The following NXPH1 variants were observed in gnomAD, a reference collection of about 807,000 sequenced individuals.
NXPH1 encodes the protein neurexophilin 1.
NXPH1 carries 5 observed loss-of-function variants against 23.7 expected under a neutral mutation model. The observed-to-expected ratio is 0.21, with a 90% CI of 0.11 to 0.44. The LOEUF (loss-of-function observed/expected upper bound fraction) is 0.44. Ranked by LOEUF, NXPH1 falls within the 20% of genes least tolerant of loss-of-function variation. The pLI is 0.99. For missense variants in NXPH1, 324 were observed against 321.6 expected, an observed-to-expected ratio of 1.01 and a Z score of -0.06; for synonymous variants, 144 against 122.2, an observed-to-expected ratio of 1.18 and a Z score of -1.18.
At chr7:8,485,202 A>G (rs189661766) in intron 2 of NXPH1, among the ~76,000 whole-genome samples, 3 of 152,274 alleles carry the variant, frequency 2.0e-5, no homozygotes, top group South Asian at 2.1e-4. Context: ...TGATGGTTTT[A>G]TAAAAGGGCA....
intron 2 of NXPH1, among the ~76,000 whole-genome samples, chr7:8,566,554 T>C (rs2128621412): frequency 6.6e-6 from 1 of 151,796 alleles, no homozygotes; most frequent in East Asian, 2.0e-4. Flanking sequence ...GAAAGGCAAA[T>C]TGGTCTCTGT....
intron 2 of NXPH1, among the ~76,000 whole-genome samples, chr7:8,533,174 A>G (rs1817978207): frequency 6.6e-6 from 1 of 152,170 alleles, no homozygotes. Context: ...GTATGACTTC[A>G]AACACCACAT....
At chr7:8,570,183 CAGAAG>C (rs1204806268) in intron 2 of NXPH1, among the ~76,000 whole-genome samples, 1 of 151,870 alleles carries the variant, frequency 6.6e-6, no homozygotes, top group Non-Finnish European at 1.5e-5. Context: ...AAAATTGACT[CAGAAG>C]AGATTGATGT....
intron 2 of NXPH1, among the ~76,000 whole-genome samples, chr7:8,604,202 T>C (rs537091169): frequency 5.3e-5 from 8 of 152,160 alleles, no homozygotes; most frequent in African/African-American, 1.7e-4. Flanking sequence ...TAAGAAGTGA[T>C]TGGGATTAAG....
At chr7:8,645,716 G>T (rs566138690) in intron 2 of NXPH1, among the ~76,000 whole-genome samples, 6 of 151,894 alleles carry the variant, frequency 4.0e-5, no homozygotes, top group Non-Finnish European at 7.4e-5. Flanking sequence ...TTAATGTTTT[G>T]TTCCTTATAT....
intron 2 of NXPH1, among the ~76,000 whole-genome samples, chr7:8,545,738 C>A (rs1818188858): frequency 6.6e-6 from 1 of 151,508 alleles, no homozygotes; most frequent in African/African-American, 2.4e-5. Flanking sequence ...GCTTAGACTC[C>A]AGTGAGCTTA....
intron 2 of NXPH1, among the ~76,000 whole-genome samples, chr7:8,655,300 G>C (rs995015033): frequency 1.3e-5 from 2 of 151,966 alleles, no homozygotes; most frequent in Admixed American, 6.6e-5. Flanking sequence ...TGGGAGAATC[G>C]CTTGAGCCTG....
rs1184595536 is a variant in NXPH1, at chr7:8,676,948, C to T, written c.55-74060C>T. Among the ~76,000 whole-genome samples the T allele has an allele frequency of 3.3e-5, 5 of 152,292 alleles. No homozygotes were observed. In the South Asian group the frequency reaches 1.0e-3, roughly 32 times the overall value. ...ATATGGGCTTATGCAGAAATGCTAA[C>T]CCTGCTACAAATTTACACTGTTCAG... On this transcript the variant is annotated intron_variant, in intron 2 of 2. Transcript: ENST00000405863.
At chr7:8,488,346 A>T (rs986195003) in intron 2 of NXPH1, among the ~76,000 whole-genome samples, 11 of 152,154 alleles carry the variant, frequency 7.2e-5, no homozygotes, top group Non-Finnish European at 1.5e-4. Flanking sequence ...TACATCCATT[A>T]GTTGTGATAT....
In NXPH1 at chr7:8,544,300, A is replaced by G. The variant is rs539557832; in HGVS notation, c.54+108533A>G. Among the ~76,000 whole-genome samples, 45 of 151,722 alleles carry G rather than the reference A, an allele frequency of 3.0e-4. 1 individual carries two copies. The South Asian group carries it at 3.9e-3, about 13-fold the overall frequency. On this transcript the variant is annotated intron_variant, in intron 2 of 2. Transcript: ENST00000405863. ...TCTTGTACATTGTAGAAATTTTAGC[A>G]GGATCCCTGACCTCTAATCCCTCAC...
chr7:8,585,312 G>T (rs983111450), intron 2 of NXPH1, among the ~76,000 whole-genome samples: 1 of 152,080 alleles, frequency 6.6e-6, no homozygotes, highest in African/African-American at 2.4e-5. Flanking sequence ...TCCAAATGAG[G>T]TATGCTTGCT....
intron 2 of NXPH1, among the ~76,000 whole-genome samples, chr7:8,531,209 T>C (rs905386327): frequency 6.6e-6 from 1 of 152,154 alleles, no homozygotes; most frequent in Non-Finnish European, 1.5e-5. Flanking sequence ...AAATCCTCCA[T>C]AACTATGAGC....
chr7:8,750,273 G>C (rs1780541267), intron 2 of NXPH1, among the ~76,000 whole-genome samples: 1 of 152,172 alleles, frequency 6.6e-6, no homozygotes, highest in Non-Finnish European at 1.5e-5. Flanking sequence ...TAACGAAATA[G>C]TCTAAAGGGT....
chr7:8,536,379 G>T (rs2128617911), intron 2 of NXPH1, among the ~76,000 whole-genome samples: 1 of 152,070 alleles, frequency 6.6e-6, no homozygotes, highest in East Asian at 1.9e-4. Context: ...GTTTTTTTGT[G>T]ATTGCATTGT....
At chr7:8,707,330 T>C (rs1779720597) in intron 2 of NXPH1, among the ~76,000 whole-genome samples, 1 of 152,184 alleles carries the variant, frequency 6.6e-6, no homozygotes, top group African/African-American at 2.4e-5. Flanking sequence ...TCACATCCTT[T>C]AATTCCTGAC....
At chr7:8,509,662 A>C (rs957059074) in intron 2 of NXPH1, among the ~76,000 whole-genome samples, 1 of 151,970 alleles carries the variant, frequency 6.6e-6, no homozygotes, top group Non-Finnish European at 1.5e-5. Context: ...GAGAGAGGAG[A>C]GTGACAAAAG....
rs138796862 is a variant in NXPH1, at chr7:8,736,627, C to T, written c.55-14381C>T. 9.9e-5 allele frequency among the ~76,000 whole-genome samples: 15 copies of T among 152,172 alleles called. 1 individual carries two copies. In the East Asian group the frequency reaches 2.1e-3, roughly 22 times the overall value. On this transcript the variant is annotated intron_variant, in intron 2 of 2. Coordinates refer to ENST00000405863, the MANE Select transcript of NXPH1 (RefSeq NM_152745.3). ...TCTGTTGATTTGGGATGGAGAGTTC[C>T]GTAAATGCCTATTAGGTCCTCTTGG...
intron 2 of NXPH1, among the ~76,000 whole-genome samples, chr7:8,482,335 C>T (rs1165563445): frequency 2.6e-5 from 4 of 151,658 alleles, no homozygotes; most frequent in Middle Eastern, 3.4e-3. Flanking sequence ...TTCTAACATC[C>T]ATTTCCCACA....
chr7:8,545,299 G>A (rs969960435), intron 2 of NXPH1, among the ~76,000 whole-genome samples: 4 of 151,490 alleles, frequency 2.6e-5, no homozygotes, highest in African/African-American at 9.7e-5. Flanking sequence ...TAATGACAGT[G>A]TTGGGCCAGT....
Sources: allele counts gnomAD v4.1 joint callset (sites outside exome capture counted in the v4.1 genomes callset), GRCh38; gene constraint gnomAD v4.1.1; transcripts MANE v1.5; gene names NCBI Gene and HGNC (gene_info 2026-07-23, HGNC 2026-07-21).